The following CRTAC1 variants were observed in gnomAD, a reference collection of about 807,000 sequenced individuals.
CRTAC1 encodes cartilage acidic protein 1.
Under a neutral mutation model 67.8 loss-of-function variants are expected in CRTAC1, and 37 were observed. That is an observed-to-expected ratio of 0.55 (90% CI 0.42 to 0.72). CRTAC1 has a LOEUF of 0.72. Ranked by LOEUF, CRTAC1 falls within the 30% of genes least tolerant of loss-of-function variation. The pLI, the probability that CRTAC1 is intolerant of heterozygous loss-of-function variation, is 0.00. For synonymous variants in CRTAC1, 348 were observed against 371.0 expected (o/e 0.94, Z 0.71); for missense variants, 780 against 931.6 (o/e 0.84, Z 2.12).
chr10:97,950,523 A>G (rs2051338247), intron 2 of CRTAC1, among the ~76,000 whole-genome samples: 1 of 152,210 alleles, frequency 6.6e-6, no homozygotes, highest in African/African-American at 2.4e-5. Flanking sequence ...AGACTGCTGT[A>G]AGCCAGCGTG....
intron 2 of CRTAC1, among the ~76,000 whole-genome samples, chr10:97,957,847 G>A (rs959669535): frequency 2.0e-5 from 3 of 152,140 alleles, no homozygotes; most frequent in African/African-American, 7.2e-5. Context: ...GGGAGGAGAT[G>A]GTGGGTGAGG....
intron 5 of CRTAC1, among the ~76,000 whole-genome samples, chr10:97,912,439 T>A (rs2050700347): frequency 6.6e-6 from 1 of 152,198 alleles, no homozygotes; most frequent in South Asian, 2.1e-4. Flanking sequence ...GGCACTCTGA[T>A]GATCTGTTCA....
chr10:97,927,749 C>T (rs745864669), intron 3 of CRTAC1, among the ~76,000 whole-genome samples: 9 of 152,214 alleles, frequency 5.9e-5, no homozygotes, highest in African/African-American at 1.2e-4. Context: ...GCCTGGGCGA[C>T]GGGAGAGATG....
At chr10:97,873,275 G>A (rs1322447663) in intron 14 of CRTAC1, among the ~76,000 whole-genome samples, 1 of 152,176 alleles carries the variant, frequency 6.6e-6, no homozygotes, top group East Asian at 1.9e-4. Flanking sequence ...GAGGGCCATA[G>A]GATTTGTGCA....
chr10:97,987,728 C>A (rs950779408), intron 2 of CRTAC1, among the ~76,000 whole-genome samples: 1 of 152,248 alleles, frequency 6.6e-6, no homozygotes, highest in Admixed American at 6.5e-5. Flanking sequence ...GGACCATGTA[C>A]CTCTTGGCCA....
At chr10:97,968,262 A>G (rs899077766) in intron 2 of CRTAC1, among the ~76,000 whole-genome samples, 2 of 152,074 alleles carry the variant, frequency 1.3e-5, no homozygotes, top group African/African-American at 2.4e-5. Context: ...TGTTTTTTTG[A>G]GGCAGAGTCT....
At position 97,953,382 on chromosome 10, in the gene CRTAC1, G is replaced by A. The variant is rs147466333; in HGVS notation, c.225-17016C>T. 4.1e-3 allele frequency among the ~76,000 whole-genome samples: 620 copies of A among 152,110 alleles called. 3 individuals carry two copies. The highest frequency in any genetic ancestry group is 0.014 in the African/African-American group (561 of 41,486). ...CAGTATCTTTTGAAATTCAATGTAC[G>A]ACAAGCAGAGATGCATCAAGGTGTG... On this transcript the variant is annotated intron_variant, in intron 2 of 14. Coordinates refer to ENST00000370597, the MANE Select transcript of CRTAC1 (RefSeq NM_018058.7).
intron 12 of CRTAC1, among the ~76,000 whole-genome samples, chr10:97,883,030 G>A (rs1182414147): frequency 6.6e-6 from 1 of 152,236 alleles, no homozygotes. Flanking sequence ...GGCCATGAAT[G>A]GATACGGTTC....
At chr10:97,932,659 G>A (rs577981059) in intron 3 of CRTAC1, among the ~76,000 whole-genome samples, 2 of 152,148 alleles carry the variant, frequency 1.3e-5, no homozygotes, top group African/African-American at 2.4e-5. Context: ...CAGCAAGTAC[G>A]AAGGCCTCAG....
At chr10:97,943,794 C>A (rs2051216162) in intron 2 of CRTAC1, among the ~76,000 whole-genome samples, 1 of 152,158 alleles carries the variant, frequency 6.6e-6, no homozygotes, top group Admixed American at 6.5e-5. Context: ...GCTGCTTTTG[C>A]TAAATATTGA....
Position 97,968,711 on chromosome 10 carries a change from C to T in CRTAC1, c.225-32345G>A, listed in dbSNP as rs553182011. Among the ~76,000 whole-genome samples the T allele has an allele frequency of 2.3e-3, 355 of 152,286 alleles. 3 individuals carry two copies. The highest frequency in any genetic ancestry group is 4.2e-3 in the Non-Finnish European group (284 of 68,032). On this transcript the variant is annotated intron_variant, in intron 2 of 14. Transcript: ENST00000370597. ...GGACATGTTAGAAATAGGATGGCCA[C>T]CCTACTGCAGGAGAAATGATCTTTC...
At chr10:98,003,238 C>G (rs1173784962) in intron 2 of CRTAC1, among the ~76,000 whole-genome samples, 2 of 152,174 alleles carry the variant, frequency 1.3e-5, no homozygotes, top group African/African-American at 4.8e-5. Context: ...TGACACCAAG[C>G]ATTCAACATT....
chr10:97,974,307 C>G (rs868588340), intron 2 of CRTAC1, among the ~76,000 whole-genome samples: 4 of 152,224 alleles, frequency 2.6e-5, no homozygotes, highest in South Asian at 2.1e-4. Context: ...CAGGCTCCCC[C>G]CCTGCTGCGT....
At chr10:97,901,674 G>T in intron 7 of CRTAC1, 35 bp from the exon 8 acceptor site, 1 of 1,613,416 alleles carries the variant, frequency 6.2e-7, no homozygotes, top group Non-Finnish European at 8.5e-7. Flanking sequence ...AGTGGCAGGA[G>T]AGTGGGCTGG....
intron 2 of CRTAC1, among the ~76,000 whole-genome samples, chr10:97,941,433 C>T (rs933112446): frequency 2.0e-5 from 3 of 152,158 alleles, no homozygotes; most frequent in Non-Finnish European, 2.9e-5. Flanking sequence ...CAAATTCATA[C>T]TTCCAACCCA....
rs71007369 is a variant in CRTAC1 at position 97,887,227 on chromosome 10, G to GTTTTTTT, written c.1487-2883_1487-2877dup. ...TGCATGTGGTACTTGCGGCACTTAG[G>GTTTTTTT]TTTTTTTTTTTTTTTTTTCTGTTTT... On this transcript the variant is annotated intron_variant, in intron 11 of 14. Coordinates refer to ENST00000370597, the MANE Select transcript of CRTAC1 (RefSeq NM_018058.7). 1.2e-3 allele frequency among the ~76,000 whole-genome samples: 155 copies of GTTTTTTT among 127,922 alleles called. 1 individual carries two copies. Among genetic ancestry groups the GTTTTTTT allele is most frequent in the African/African-American group, 4.5e-3 (148 of 32,662 alleles). The allele number at this position is 127,922 out of a possible 152,430, so 83.9% of individuals were successfully genotyped here.
intron 2 of CRTAC1, among the ~76,000 whole-genome samples, chr10:98,007,791 C>T (rs774383342): frequency 6.6e-6 from 1 of 152,222 alleles, no homozygotes; most frequent in African/African-American, 2.4e-5. Flanking sequence ...AAGGTTGAGA[C>T]TTCTAAACCT....
In CRTAC1 at chr10:97,865,354, G is replaced by T; in HGVS notation, c.*194C>A. 1 of 604,840 alleles carries T rather than the reference G, an allele frequency of 1.7e-6. No homozygotes were observed. The highest frequency in any genetic ancestry group is 2.7e-6 in the Non-Finnish European group (1 of 375,044). 37.5% of individuals were successfully genotyped at this position (604,840 alleles called of 1,614,324 possible). ...TCAGGGCAGCGACCCTGTCTGCTGT[G>T]ATCACAGCTATGTGCCCAGCACAGG... On this transcript the variant is annotated 3_prime_UTR_variant, in exon 15 of 15. Coordinates refer to ENST00000370597, the MANE Select transcript of CRTAC1 (RefSeq NM_018058.7).
chr10:97,989,374 T>C (rs1330036985), intron 2 of CRTAC1, among the ~76,000 whole-genome samples: 4 of 152,228 alleles, frequency 2.6e-5, no homozygotes, highest in Non-Finnish European at 5.9e-5. Flanking sequence ...TCATAGTGTG[T>C]ACTTACACAA....
Sources: allele counts gnomAD v4.1 joint callset (sites outside exome capture counted in the v4.1 genomes callset), GRCh38; gene constraint gnomAD v4.1.1; transcripts MANE v1.5; gene names NCBI Gene and HGNC (gene_info 2026-07-23, HGNC 2026-07-21).